NRDC: variants seen among roughly 807,000 people sequenced by gnomAD.
NRDC encodes nardilysin.
Under a neutral mutation model 147.1 loss-of-function variants are expected in NRDC, and 54 were observed. That is an observed-to-expected ratio of 0.37 (90% confidence interval 0.29 to 0.46). The LOEUF (loss-of-function observed/expected upper bound fraction) is 0.46, where lower values mean the gene tolerates loss of function less well. Among genes scored for constraint, NRDC ranks in the 20% least tolerant of loss-of-function variants. The pLI, the probability that NRDC is intolerant of heterozygous loss-of-function variation, is 1.00. For missense variants in NRDC, 1,082 were observed against 1,370.6 expected, an observed-to-expected ratio of 0.79 and a Z score of 3.33; for synonymous variants, 440 against 482.1, an observed-to-expected ratio of 0.91 and a Z score of 1.14.
intron 1 of NRDC, among the ~76,000 whole-genome samples, chr1:51,854,286 T>C (rs1682129193): frequency 6.6e-6 from 1 of 152,170 alleles, no homozygotes; most frequent in Admixed American, 6.5e-5. Flanking sequence ...AAGAATCGCT[T>C]GAACCCAGGA....
At chr1:51,867,882 T>C (rs1203781360) in intron 1 of NRDC, among the ~76,000 whole-genome samples, 2 of 152,132 alleles carry the variant, frequency 1.3e-5, no homozygotes, top group Non-Finnish European at 2.9e-5. Flanking sequence ...TAGAAGGACA[T>C]AGCTCCAAGG....
intron 7 of NRDC, among the ~76,000 whole-genome samples, chr1:51,822,573 A>C (rs1007938563): frequency 3.9e-5 from 6 of 152,240 alleles, no homozygotes; most frequent in African/African-American, 1.4e-4. Flanking sequence ...ACTTGTTTTA[A>C]AATTTTGAAA....
chr1:51,850,893 T>TA (rs1265316945), intron 1 of NRDC, among the ~76,000 whole-genome samples: 2 of 152,206 alleles, frequency 1.3e-5, no homozygotes, highest in African/African-American at 4.8e-5. Flanking sequence ...CCTTCCTTTC[T>TA]ACCACTGCAA....
Position 51,825,267 on chromosome 1 carries a change from T to C in NRDC, c.1036+20A>G, listed in dbSNP as rs930142193. On this transcript the variant is annotated intron_variant, in intron 6 of 30. Coordinates refer to ENST00000352171, the MANE Select transcript of NRDC (RefSeq NM_001101662.2). ...CTTAACTAGAAAATATGAAATAAGA[T>C]GATGTATTTAGTATCTTACCCCAAA... The C allele has an allele frequency of 6.1e-6, 8 of 1,310,314 alleles. No individual in the cohort carries two copies. In the Admixed American group the frequency reaches 1.6e-4, roughly 26 times the overall value. The allele number at this position is 1,310,314 out of a possible 1,614,324, so 81.2% of individuals were successfully genotyped here.
chr1:51,803,590 T>C (rs1679315217), intron 20 of NRDC, among the ~76,000 whole-genome samples: 1 of 152,084 alleles, frequency 6.6e-6, no homozygotes, highest in Non-Finnish European at 1.5e-5. Flanking sequence ...AAATCAATCC[T>C]AAAGCATGGG....
intron 22 of NRDC, chr1:51,797,877 C>T (rs564078752): frequency 8.3e-4 from 136 of 163,548 alleles, no homozygotes; most frequent in South Asian, 1.3e-3. Context: ...CTCAAATGAT[C>T]CTTCCACCTC....
chr1:51,878,722 A>G lies in NRDC; in HGVS notation c.-107T>C. On this transcript the variant is annotated 5_prime_UTR_variant, in exon 1 of 31. Coordinates refer to ENST00000352171, the MANE Select transcript of NRDC (RefSeq NM_001101662.2). ...TGGTGCTGCCGCAGCCGCGGGGAACAGGCCTGAACCCCTCCCCCAACCCAG... is the reference window on the plus strand; with the variant it reads ...TGGTGCTGCCGCAGCCGCGGGGAACGGGCCTGAACCCCTCCCCCAACCCAG... 1 of 961,030 alleles carries G rather than the reference A, an allele frequency of 1.0e-6. No homozygotes were observed. The highest frequency in any genetic ancestry group is 2.6e-5 in the Admixed American group (1 of 39,124). The allele number at this position is 961,030 out of a possible 1,614,324, so 59.5% of individuals were successfully genotyped here. A position where few individuals can be genotyped will look rare whatever the true frequency, so the allele number is the denominator to read the frequency against.
intron 1 of NRDC, among the ~76,000 whole-genome samples, chr1:51,864,793 A>G (rs1049006227): frequency 6.6e-6 from 1 of 152,016 alleles, no homozygotes. Context: ...CTCTGCTAAA[A>G]ATACAAAAAT....
At chr1:51,806,672 C>A in intron 18 of NRDC, 122 bp downstream of exon 18, 1 of 1,008,266 alleles carries the variant, frequency 9.9e-7, no homozygotes, top group Non-Finnish European at 1.5e-6. Flanking sequence ...ATAGAGGCAC[C>A]CAGCCCCAGC....
At chr1:51,816,129 G>A in intron 11 of NRDC, 183 bp downstream of exon 11, 1 of 350,182 alleles carries the variant, frequency 2.9e-6, no homozygotes, top group Non-Finnish European at 5.2e-6. Context: ...GGCTTACAAG[G>A]AAATACACAA....
chr1:51,843,196 T>C (rs1681360084), intron 1 of NRDC, among the ~76,000 whole-genome samples: 1 of 151,158 alleles, frequency 6.6e-6, no homozygotes, highest in Non-Finnish European at 1.5e-5. Flanking sequence ...TAAATATGCC[T>C]CCTTGGCATA....
Position 51,794,848 on chromosome 1 carries a change from T to A in NRDC, c.2611A>T (p.Met871Leu). The A allele has an allele frequency of 6.2e-7, 1 of 1,614,032 alleles. No homozygotes were observed. The highest frequency in any genetic ancestry group is 8.5e-7 in the Non-Finnish European group (1 of 1,179,972). ...VQGNVTSTES[M>L]DFLKYVVDKL... ...TCAACAACATATTTCAGGAAATCCATAGATTCCTAAGAGGCAAAAGAGAAT... is the reference window on the plus strand; with the variant it reads ...TCAACAACATATTTCAGGAAATCCAAAGATTCCTAAGAGGCAAAAGAGAAT... Residue 871 changes from methionine to leucine, a missense_variant, in exon 23 of 31, where the codon ATG becomes TTG. By Grantham distance (15) the Met-to-Leu change is conservative. Around this residue, in one of 3 missense-constraint regions of NRDC, gnomAD observed 635 missense variants for 923.8 expected, o/e 0.69. Transcript: ENST00000352171.
At chr1:51,796,316 G>A (rs2149188080) in intron 22 of NRDC, among the ~76,000 whole-genome samples, 1 of 151,286 alleles carries the variant, frequency 6.6e-6, no homozygotes, top group African/African-American at 2.4e-5. Context: ...TCGGCTCACT[G>A]CAACCTCTGC....
At chr1:51,877,916 G>T in intron 1 of NRDC, 3 of 671,026 alleles carry the variant, frequency 4.5e-6, no homozygotes, top group Non-Finnish European at 5.9e-6. Context: ...TAAATATCCT[G>T]TCCTCCAAAT....
intron 14 of NRDC, 46 bp downstream of exon 14, chr1:51,813,989 C>T (rs781253845): frequency 1.6e-6 from 2 of 1,226,616 alleles, no homozygotes; most frequent in Non-Finnish European, 1.2e-6. Flanking sequence ...ACACCAGCTT[C>T]AACTCAGTCA....
At chr1:51,792,465 GT>G (rs764212797) in intron 24 of NRDC, 41 bp from the exon 25 acceptor site, 8 of 1,595,780 alleles carry the variant, frequency 5.0e-6, no homozygotes, top group Non-Finnish European at 6.9e-6. Context: ...ATATCCAGTG[GT>G]TTACAGGGCT....
intron 1 of NRDC, among the ~76,000 whole-genome samples, chr1:51,857,669 A>G (rs1298575262): frequency 3.7e-4 from 56 of 152,208 alleles, no homozygotes; most frequent in Non-Finnish European, 1.8e-4. Context: ...TGGAAGTCAC[A>G]ACAGAAACTG....
Position 51,795,274 on chromosome 1 carries a change from T to G in NRDC, c.2605-420A>C. ...TACATCCTCTTCCCTTCTTAAGAAT[T>G]CTGTTTTCTTATCTATAAAATAAGG... On this transcript the variant is annotated intron_variant, in intron 22 of 30. Coordinates refer to ENST00000352171, the MANE Select transcript of NRDC (RefSeq NM_001101662.2). 4 of 1,155,310 alleles carry G rather than the reference T, an allele frequency of 3.5e-6. No homozygotes were observed. In the South Asian group the frequency reaches 5.2e-5, roughly 15 times the overall value. The allele number at this position is 1,155,310 out of a possible 1,614,324, so 71.6% of individuals were successfully genotyped here. A position where few individuals can be genotyped will look rare whatever the true frequency, so the allele number is the denominator to read the frequency against.
At position 51,878,650 on chromosome 1, in the gene NRDC, C is replaced by T. The variant is rs774422637; in HGVS notation, c.-35G>A. On this transcript the variant is annotated 5_prime_UTR_variant, in exon 1 of 31. Transcript: ENST00000352171. ...AGCTGGAGCGATGGACATCCCGCTTCCCAGGACCCACCTCCTCCGCGTTCT... is the reference window on the plus strand; with the variant it reads ...AGCTGGAGCGATGGACATCCCGCTTTCCAGGACCCACCTCCTCCGCGTTCT... 6.4e-7 allele frequency: 1 copy of T among 1,557,468 alleles called. No individual in the cohort carries two copies. The highest frequency in any genetic ancestry group is 1.9e-5 in the Admixed American group (1 of 53,620).
Sources: allele counts gnomAD v4.1 joint callset (sites outside exome capture counted in the v4.1 genomes callset), GRCh38; gene constraint gnomAD v4.1.1; regional missense constraint gnomAD v4.1.1; transcripts MANE v1.5; gene names NCBI Gene and HGNC (gene_info 2026-07-23, HGNC 2026-07-21).